PRMT3: variants seen among roughly 807,000 people sequenced by gnomAD.
The protein encoded by PRMT3 is protein arginine methyltransferase 3.
In PRMT3, 62 loss-of-function variants were observed where a neutral mutation model predicts 71.9. The observed-to-expected ratio is 0.86, with a 90% CI of 0.70 to 1.07. The LOEUF (loss-of-function observed/expected upper bound fraction) is 1.07. PRMT3 is among the 50% of genes least tolerant of loss of function. The probability of loss-of-function intolerance (pLI) is 0.00; values close to 1 mark genes in which losing one functional copy is unlikely to be tolerated. For synonymous variants in PRMT3, 213 were observed against 220.4 expected (o/e 0.97, Z 0.30); for missense variants, 663 against 643.0 (o/e 1.03, Z -0.34).
chr11:20,403,438 CT>C (rs1205648520), intron 8 of PRMT3, among the ~76,000 whole-genome samples: 1 of 151,990 alleles, frequency 6.6e-6, no homozygotes, highest in Non-Finnish European at 1.5e-5. Flanking sequence ...AGTTTATATG[CT>C]TTATTTTAAT....
chr11:20,473,259 T>C (rs6483693), intron 13 of PRMT3, among the ~76,000 whole-genome samples: 110,328 of 151,712 alleles, frequency 0.73, 41,638 homozygotes, highest in South Asian at 0.85. Context: ...GGTTATTTCT[T>C]GTCTTCTGCT....
chr11:20,401,079 C>G (rs1316751856), intron 7 of PRMT3, among the ~76,000 whole-genome samples: 4 of 151,720 alleles, frequency 2.6e-5, no homozygotes, highest in African/African-American at 9.7e-5. Flanking sequence ...AGCATACAAA[C>G]AAAAACAGAT....
intron 12 of PRMT3, 59 bp from the exon 13 acceptor site, chr11:20,464,401 G>GTTTTT: frequency 2.6e-6 from 3 of 1,154,082 alleles, no homozygotes; most frequent in Admixed American, 2.9e-5. Context: ...TTTATTTTTT[G>GTTTTT]TTTTTTTTTT....
chr11:20,428,373 A>G (rs1279289412), intron 10 of PRMT3, among the ~76,000 whole-genome samples: 1 of 152,206 alleles, frequency 6.6e-6, no homozygotes. Flanking sequence ...AAACCAAAAG[A>G]AAGACTTGTC....
At chr11:20,455,759 AAG>A (rs1399865004) in intron 11 of PRMT3, among the ~76,000 whole-genome samples, 1 of 151,506 alleles carries the variant, frequency 6.6e-6, no homozygotes, top group East Asian at 1.9e-4. Flanking sequence ...AGATGCGTTG[AAG>A]AGAGTGGTAT....
chr11:20,407,967 TG>T lies in PRMT3; in HGVS notation c.832del (p.Ala278ArgfsTer20). 6.2e-7 allele frequency: 1 copy of T among 1,608,200 alleles called. No homozygotes were observed. The highest frequency in any genetic ancestry group is 8.5e-7 in the Non-Finnish European group (1 of 1,174,712). On this transcript the variant is annotated frameshift_variant, in exon 9 of 16. Transcript: ENST00000331079. LOFTEE classifies it high-confidence loss of function. ...TTCTCTCTATGTTTGCTGCTAAAGC[TG>T]GGGCGAAGAAGGTTCTTGGAGTTGA... Reference protein sequence around the residue: ...GILSMFAAKAGAKKVLGVDQS... With the variant: ...GILSMFAAKAXAKKVLGVDQS...
rs1018765419 is a variant in PRMT3 at position 20,387,732 on chromosome 11, C to G, written c.-15C>G. The G allele has an allele frequency of 1.3e-6, 2 of 1,531,052 alleles. No homozygotes were observed. Among genetic ancestry groups the G allele is most frequent in the African/African-American group, 1.4e-5 (1 of 71,614 alleles). The allele number at this position is 1,531,052 out of a possible 1,614,324, so 94.8% of individuals were successfully genotyped here. A position where few individuals can be genotyped will look rare whatever the true frequency, so the allele number is the denominator to read the frequency against. On this transcript the variant is annotated 5_prime_UTR_variant, in exon 1 of 16. Coordinates refer to ENST00000331079, the MANE Select transcript of PRMT3 (RefSeq NM_005788.4). The surrounding 1 kb of genome is among the most constrained non-coding windows in gnomAD (Gnocchi z 4.3). ...CCCGCCCCCAGACACGCCGGGCTCT[C>G]GGGGCACCACAGCCATGTGCTCGTT...
intron 10 of PRMT3, among the ~76,000 whole-genome samples, chr11:20,436,659 A>G (rs1011638167): frequency 6.6e-6 from 1 of 150,646 alleles, no homozygotes; most frequent in Non-Finnish European, 1.5e-5. Flanking sequence ...TGATCTTCTG[A>G]TGTGCCACAA....
At chr11:20,474,429 CT>C (rs1339900712) in intron 13 of PRMT3, among the ~76,000 whole-genome samples, 1 of 152,216 alleles carries the variant, frequency 6.6e-6, no homozygotes, top group African/African-American at 2.4e-5. Flanking sequence ...TTCAGTTCCC[CT>C]CCTAAGAGTA....
intron 9 of PRMT3, among the ~76,000 whole-genome samples, chr11:20,417,297 C>G (rs868363841): frequency 2.6e-5 from 4 of 152,028 alleles, no homozygotes; most frequent in Non-Finnish European, 5.9e-5. Flanking sequence ...ATGTATACTT[C>G]GATGACATAT....
intron 13 of PRMT3, among the ~76,000 whole-genome samples, chr11:20,473,243 A>T (rs1850695137): frequency 6.6e-6 from 1 of 151,316 alleles, no homozygotes; most frequent in African/African-American, 2.4e-5. Context: ...CTTCTGCTCT[A>T]ATCTCGGTTA....
chr11:20,405,784 C>A (rs543688528), intron 8 of PRMT3: 1 of 151,964 alleles, frequency 6.6e-6, no homozygotes, highest in African/African-American at 2.4e-5. Context: ...ATCTTTTTAC[C>A]CCCGTGTTTT....
At position 20,494,133 on chromosome 11, in the gene PRMT3, C is replaced by T. The variant is rs766918952; in HGVS notation, c.1399-34C>T. On this transcript the variant is annotated intron_variant, in intron 14 of 15. Transcript: ENST00000331079. ...GTACCATGATATTAAAAATCTTGTA[C>T]TTCATCAAATACCTTTGAACTTTAC... 14 of 1,547,120 alleles carry T rather than the reference C, an allele frequency of 9.0e-6. No homozygotes were observed. In the South Asian group the frequency reaches 1.5e-4, roughly 16 times the overall value.
chr11:20,493,960 C>G lies in PRMT3; in HGVS notation c.1389C>G (p.Cys463Trp), dbSNP rs1323622204. The G allele has an allele frequency of 6.3e-7, 1 of 1,589,246 alleles. No individual in the cohort carries two copies. Among genetic ancestry groups the G allele is most frequent in the South Asian group, 1.1e-5 (1 of 88,134 alleles). The change falls in exon 14 of 16, where the codon TGC becomes TGG. Residue 463 changes from cysteine (C) to tryptophan (W), a missense_variant. Coordinates refer to ENST00000331079, the MANE Select transcript of PRMT3 (RefSeq NM_005788.4). The part of the protein sequence containing the change: ...GYFDIYFEKN[C>W]HNRVVFSTGP... ...TTGATATATATTTTGAGAAGAATTG[C>G]CACAACAGGGTAAGTATCATGAATT...
chr11:20,396,608 A>G (rs933006373), intron 6 of PRMT3, among the ~76,000 whole-genome samples: 6 of 152,132 alleles, frequency 3.9e-5, no homozygotes, highest in Admixed American at 1.3e-4. Context: ...ACTGTACTCC[A>G]GCCTGGGCAA....
intron 13 of PRMT3, among the ~76,000 whole-genome samples, chr11:20,485,354 G>T (rs2133441262): frequency 6.6e-6 from 1 of 152,190 alleles, no homozygotes; most frequent in Non-Finnish European, 1.5e-5. Context: ...AAAACAACAT[G>T]AATCAAGAAC....
intron 13 of PRMT3, among the ~76,000 whole-genome samples, chr11:20,486,902 C>A (rs927071809): frequency 1.3e-5 from 2 of 151,834 alleles, no homozygotes; most frequent in Middle Eastern, 3.2e-3. Flanking sequence ...ACTAAAATTA[C>A]AAAGATTAGC....
chr11:20,388,162 C>A lies in PRMT3; in HGVS notation c.164+8C>A, dbSNP rs1012813932. ...CTGCCTGTTCTGTAACAGGTTCGTC[C>A]GCCTCAGCGCCTGGCCTCTGCCCTA... On this transcript the variant is annotated splice_region_variant and intron_variant, in intron 2 of 15. Coordinates refer to ENST00000331079, the MANE Select transcript of PRMT3 (RefSeq NM_005788.4). 6.2e-7 allele frequency: 1 copy of A among 1,613,760 alleles called. No individual in the cohort carries two copies. The highest frequency in any genetic ancestry group is 8.5e-7 in the Non-Finnish European group (1 of 1,179,960).
At chr11:20,462,720 A>G (rs896115198) in intron 12 of PRMT3, among the ~76,000 whole-genome samples, 1 of 152,092 alleles carries the variant, frequency 6.6e-6, no homozygotes, top group African/African-American at 2.4e-5. Context: ...TGGGTTTATT[A>G]TGAATTTTTC....
Sources: allele counts gnomAD v4.1 joint callset (sites outside exome capture counted in the v4.1 genomes callset), GRCh38; gene constraint gnomAD v4.1.1; non-coding constraint Gnocchi (gnomAD v3.1); transcripts MANE v1.5; gene names NCBI Gene and HGNC (gene_info 2026-07-23, HGNC 2026-07-21).